The following TANC2 variants were observed in gnomAD, a reference collection of about 807,000 sequenced individuals.
TANC2 encodes tetratricopeptide repeat, ankyrin repeat and coiled-coil containing 2, also known as protein TANC2.
TANC2 carries 26 observed loss-of-function variants against 210.5 expected under a neutral mutation model. That is an observed-to-expected ratio of 0.12 (90% CI 0.09 to 0.17). TANC2 has a LOEUF of 0.17. Ranked by LOEUF, TANC2 falls within the 10% of genes least tolerant of loss-of-function variation. The pLI, the probability that TANC2 is intolerant of heterozygous loss-of-function variation, is 1.00. For synonymous variants in TANC2, 931 were observed against 967.1 expected (o/e 0.96, Z 0.69); for missense variants, 2,129 against 2,608.9 (o/e 0.82, Z 4.01).
chr17:63,186,488 G>A (rs1256142928), intron 5 of TANC2, among the ~76,000 whole-genome samples: 3 of 151,758 alleles, frequency 2.0e-5, no homozygotes, highest in Non-Finnish European at 2.9e-5. Flanking sequence ...GAGTAGCTGG[G>A]ATTACAGGCA....
chr17:63,082,852 G>A (rs1250545024), intron 3 of TANC2, among the ~76,000 whole-genome samples: 1 of 152,138 alleles, frequency 6.6e-6, no homozygotes, highest in East Asian at 1.9e-4. Context: ...TGTTTACCAG[G>A]TTAAGCAGCC....
At position 63,418,417 on chromosome 17, in the gene TANC2, G is replaced by A. The variant is rs1454354988; in HGVS notation, c.4268+10G>A. ...CAAAACGCAGCAGCAGGTGAGGAGA[G>A]AGAGAGAGGGTGAAAGCAAGAGGTC... is the stretch of plus-strand genomic sequence containing the variant. On this transcript the variant is annotated intron_variant, in intron 27 of 27. Coordinates refer to ENST00000689528, the Ensembl canonical transcript of TANC2. The surrounding 1 kb of genome is among the most constrained non-coding windows in gnomAD (Gnocchi z 4.6). The A allele has an allele frequency of 6.2e-7, 1 of 1,607,420 alleles. No homozygotes were observed. The highest frequency in any genetic ancestry group is 8.5e-7 in the Non-Finnish European group (1 of 1,176,710).
chr17:63,254,345 C>T (rs1462760710), intron 8 of TANC2, among the ~76,000 whole-genome samples: 1 of 152,064 alleles, frequency 6.6e-6, no homozygotes, highest in Non-Finnish European at 1.5e-5. Context: ...TGCTACTTTA[C>T]TGAATTTGTT....
intron 2 of TANC2, among the ~76,000 whole-genome samples, chr17:63,031,462 C>T (rs1236659717): frequency 6.6e-6 from 1 of 152,108 alleles, no homozygotes; most frequent in Non-Finnish European, 1.5e-5. Flanking sequence ...ACTTCATGAT[C>T]TTAGCTCTGG....
chr17:63,201,068 A>G (rs1156272794), intron 7 of TANC2, 111 bp downstream of exon 7: 6 of 944,434 alleles, frequency 6.4e-6, no homozygotes, highest in East Asian at 2.7e-5. Context: ...AGATGTATAT[A>G]TAAAACTTTC....
intron 1 of TANC2, among the ~76,000 whole-genome samples, chr17:62,992,094 C>T (rs2032900546): frequency 6.6e-6 from 1 of 152,148 alleles, no homozygotes; most frequent in Non-Finnish European, 1.5e-5. Context: ...TTAAGGTATA[C>T]AGGAGGATGT....
chr17:63,175,109 G>A (rs919803669), intron 5 of TANC2, among the ~76,000 whole-genome samples: 3 of 152,060 alleles, frequency 2.0e-5, no homozygotes, highest in African/African-American at 4.8e-5. Context: ...AAACTAATAC[G>A]AACATGCAAA....
intron 9 of TANC2, among the ~76,000 whole-genome samples, chr17:63,280,519 G>C (rs901783690): frequency 6.6e-5 from 10 of 151,880 alleles, no homozygotes; most frequent in Non-Finnish European, 1.3e-4. Context: ...TAAAAGAGTT[G>C]CTTTTTTAAG....
intron 11 of TANC2, among the ~76,000 whole-genome samples, chr17:63,323,153 A>G (rs1237586194): frequency 1.3e-5 from 2 of 152,236 alleles, no homozygotes; most frequent in African/African-American, 4.8e-5. Context: ...TTATCTTTTA[A>G]ATAGGATTTT....
chr17:63,357,349 A>T (rs1436842706), intron 14 of TANC2, among the ~76,000 whole-genome samples: 10 of 152,218 alleles, frequency 6.6e-5, no homozygotes, highest in Non-Finnish European at 1.5e-4. Context: ...TACGGCTTTT[A>T]TACAGCCATA....
chr17:63,391,667 C>G (rs2047979842), intron 17 of TANC2: 1 of 151,890 alleles, frequency 6.6e-6, no homozygotes. Flanking sequence ...CCAAATAAAG[C>G]AGCTTTGTCT....
At chr17:63,049,281 GA>G (rs1473770216) in intron 2 of TANC2, among the ~76,000 whole-genome samples, 5 of 152,132 alleles carry the variant, frequency 3.3e-5, no homozygotes, top group Non-Finnish European at 5.9e-5. Context: ...GAATTAAGAT[GA>G]ATAGGTAAAA....
chr17:63,273,203 T>C (rs1000500226), intron 9 of TANC2, among the ~76,000 whole-genome samples: 3 of 152,128 alleles, frequency 2.0e-5, no homozygotes, highest in African/African-American at 7.2e-5. Context: ...GGAGGATCAC[T>C]TGAGCCTGTG....
intron 14 of TANC2, among the ~76,000 whole-genome samples, chr17:63,363,746 C>T (rs192854222): frequency 8.0e-4 from 122 of 152,178 alleles, no homozygotes; most frequent in Non-Finnish European, 1.8e-4. Flanking sequence ...AGTACCATGC[C>T]GTTTGGGTCT....
At chr17:63,079,899 A>T (rs1048056151) in intron 3 of TANC2, among the ~76,000 whole-genome samples, 1 of 152,106 alleles carries the variant, frequency 6.6e-6, no homozygotes, top group Admixed American at 6.6e-5. Flanking sequence ...GAGACCTCCA[A>T]TGTCTTCTGC....
intron 7 of TANC2, among the ~76,000 whole-genome samples, chr17:63,227,210 T>C (rs561037182): frequency 6.6e-6 from 1 of 152,302 alleles, no homozygotes; most frequent in South Asian, 2.1e-4. Context: ...CTAATTTACA[T>C]TCCCACCAAT....
chr17:63,065,730 AT>A (rs568092457), intron 2 of TANC2, among the ~76,000 whole-genome samples: 106 of 152,242 alleles, frequency 7.0e-4, no homozygotes, highest in African/African-American at 2.5e-3. Flanking sequence ...TTCTTTGCCC[AT>A]TTTTAAATAA....
chr17:63,061,374 C>CA (rs2035990494), intron 2 of TANC2, among the ~76,000 whole-genome samples: 2 of 151,636 alleles, frequency 1.3e-5, no homozygotes, highest in East Asian at 1.9e-4. Context: ...TCTCAAAGAA[C>CA]AAAAAAACAA....
At chr17:63,055,842 C>T (rs997610807) in intron 2 of TANC2, among the ~76,000 whole-genome samples, 1 of 149,354 alleles carries the variant, frequency 6.7e-6, no homozygotes, top group African/African-American at 2.4e-5. Flanking sequence ...ATACCACAAC[C>T]ACTTTTAAAG....
Sources: gnomAD v4.1 joint callset for allele counts (sites outside exome capture counted in the v4.1 genomes callset) on GRCh38, gnomAD v4.1.1 for gene constraint, Gnocchi (gnomAD v3.1) non-coding constraint, MANE v1.5 for transcripts, NCBI Gene and HGNC (gene_info 2026-07-23, HGNC 2026-07-21) for gene names.